The following FAM162A variants were observed in gnomAD, a reference collection of about 807,000 sequenced individuals.
FAM162A encodes protein FAM162A.
A neutral mutation model predicts 21.8 loss-of-function variants in FAM162A; 23 were observed. That is an observed-to-expected ratio of 1.05 (90% CI 0.76 to 1.49). FAM162A has a LOEUF of 1.49. Among genes scored for constraint, FAM162A ranks in the 40% most tolerant of loss-of-function variants. The pLI, the probability that FAM162A is intolerant of heterozygous loss-of-function variation, is 0.00. For synonymous variants in FAM162A, 53 were observed against 61.3 expected (o/e 0.86, Z 0.64); for missense variants, 165 against 186.4 (o/e 0.89, Z 0.67).
chr3:122,402,667 T>C, intron 1 of FAM162A, 93 bp from the exon 2 acceptor site: 3 of 1,206,184 alleles, frequency 2.5e-6, no homozygotes, highest in Non-Finnish European at 3.3e-6. Flanking sequence ...CTACCTTTTA[T>C]AAATGAAACG....
chr3:122,389,709 G>A (rs2075592191), intron 1 of FAM162A, among the ~76,000 whole-genome samples: 1 of 152,132 alleles, frequency 6.6e-6, no homozygotes, highest in Non-Finnish European at 1.5e-5. Flanking sequence ...AGTATTATCT[G>A]ATTATGAAAA....
At chr3:122,396,931 T>TGAAAGTAAATTA (rs56360813) in intron 1 of FAM162A, among the ~76,000 whole-genome samples, 90,832 of 151,900 alleles carry the variant, frequency 0.6, 27,365 homozygotes, top group East Asian at 0.69. Flanking sequence ...CCATAGAGAC[T>TGAAAGTAAATTA]GTGACTTTTA....
chr3:122,391,826 A>G (rs1284811191), intron 1 of FAM162A, among the ~76,000 whole-genome samples: 1 of 152,240 alleles, frequency 6.6e-6, no homozygotes, highest in Non-Finnish European at 1.5e-5. Flanking sequence ...TTCAAGAGTG[A>G]CATTCTCACA....
rs557391652 is a variant in FAM162A at position 122,397,148 on chromosome 3, AC to A, written c.35-5611del. Among the ~76,000 whole-genome samples, 174 of 152,294 alleles carry A rather than the reference AC, an allele frequency of 1.1e-3. 1 individual carries two copies. The highest frequency in any genetic ancestry group is 3.9e-3 in the African/African-American group (164 of 41,572). On this transcript the variant is annotated intron_variant, in intron 1 of 4. Coordinates refer to ENST00000477892, the MANE Select transcript of FAM162A (RefSeq NM_014367.4). Reference sequence around the variant, plus strand: ...ATTTTAAAAATCTTAACAACCATGAACATATTTTCATGAGAAATCCACAGTA... The same window carrying A: ...ATTTTAAAAATCTTAACAACCATGAAATATTTTCATGAGAAATCCACAGTA...
At chr3:122,388,508 C>T (rs1365336689) in intron 1 of FAM162A, among the ~76,000 whole-genome samples, 1 of 152,126 alleles carries the variant, frequency 6.6e-6, no homozygotes, top group Non-Finnish European at 1.5e-5. Flanking sequence ...TGGAGGAGTC[C>T]TTCCAGAGAG....
rs527482276 is a variant in FAM162A, at chr3:122,385,444, C to T, written c.34+1145C>T. Among the ~76,000 whole-genome samples the T allele has an allele frequency of 1.6e-4, 25 of 152,268 alleles. No homozygotes were observed. The East Asian group carries it at 2.3e-3, about 14-fold the overall frequency. ...TCACCTAAAATATCTTCTGTACATC[C>T]TATTAACATTATGAAGCTTTTCAAC... On this transcript the variant is annotated intron_variant, in intron 1 of 4. Coordinates refer to ENST00000477892, the MANE Select transcript of FAM162A (RefSeq NM_014367.4).
Position 122,410,024 on chromosome 3 carries a change from C to A in FAM162A, c.*193C>A. ...ATGACTGTGTTTTATTGTTTTGATC[C>A]AAGTCAAGTGTAGCCTCTCAGCCTT... is the stretch of plus-strand genomic sequence containing the variant. On this transcript the variant is annotated 3_prime_UTR_variant, in exon 5 of 5. Transcript: ENST00000477892. 1 of 626,990 alleles carries A rather than the reference C, an allele frequency of 1.6e-6. No homozygotes were observed. 38.8% of individuals were successfully genotyped at this position (626,990 alleles called of 1,614,324 possible).
At chr3:122,387,410 T>C (rs2075579848) in intron 1 of FAM162A, among the ~76,000 whole-genome samples, 1 of 152,140 alleles carries the variant, frequency 6.6e-6, no homozygotes, top group Admixed American at 6.5e-5. Context: ...CTCAGAGCAT[T>C]AGAGTAGAGA....
At chr3:122,400,981 AAT>A (rs1203153794) in intron 1 of FAM162A, among the ~76,000 whole-genome samples, 1 of 152,170 alleles carries the variant, frequency 6.6e-6, no homozygotes, top group Non-Finnish European at 1.5e-5. Context: ...TAATATCTTA[AAT>A]ATGTTTTGTT....
intron 1 of FAM162A, chr3:122,401,405 C>T (rs2075653035): frequency 9.3e-7 from 1 of 1,077,092 alleles, no homozygotes; most frequent in Non-Finnish European, 1.1e-6. Context: ...GTTAATGGAA[C>T]ATAAGTGAGA....
At position 122,406,925 on chromosome 3, in the gene FAM162A, A is replaced by G. The variant is rs1339059615; in HGVS notation, c.264-356A>G. On this transcript the variant is annotated intron_variant, in intron 3 of 4. Coordinates refer to ENST00000477892, the MANE Select transcript of FAM162A (RefSeq NM_014367.4). ...AATGACTGTTTCACTTCTAGCATTT[A>G]TAGGCTGCTTGGAAACCTGAGAGCC... Among the ~76,000 whole-genome samples, 3 of 152,176 alleles carry G rather than the reference A, an allele frequency of 2.0e-5. No homozygotes were observed. In the East Asian group the frequency reaches 5.8e-4, roughly 29 times the overall value.
At chr3:122,403,852 C>A (rs563900812) in intron 2 of FAM162A, among the ~76,000 whole-genome samples, 46 of 152,280 alleles carry the variant, frequency 3.0e-4, no homozygotes, top group African/African-American at 9.6e-4. Context: ...ACTTTTTGCC[C>A]ACTCTACCGT....
intron 1 of FAM162A, among the ~76,000 whole-genome samples, chr3:122,401,978 TA>T (rs2075655534): frequency 6.6e-6 from 1 of 152,158 alleles, no homozygotes; most frequent in Admixed American, 6.5e-5. Context: ...CAGTAAAAGT[TA>T]AATTTATTAG....
chr3:122,409,078 T>G (rs1042833636), intron 4 of FAM162A, among the ~76,000 whole-genome samples: 2 of 129,042 alleles, frequency 1.5e-5, no homozygotes, highest in Non-Finnish European at 3.1e-5. Flanking sequence ...TAGAAGGAAA[T>G]ATCAGCTTAG....
At position 122,407,261 on chromosome 3, in the gene FAM162A, T is replaced by C. The variant is rs2075680535; in HGVS notation, c.264-20T>C. ...GGGAAAAGTTAATAACTTTCTCTCA[T>C]GATCTCATTGTATTACTAGGTTGGA... is the stretch of plus-strand genomic sequence containing the variant. On this transcript the variant is annotated intron_variant, in intron 3 of 4. Transcript: ENST00000477892. 2 of 1,604,072 alleles carry C rather than the reference T, an allele frequency of 1.2e-6. No individual in the cohort carries two copies. Among genetic ancestry groups the C allele is most frequent in the Non-Finnish European group, 1.7e-6 (2 of 1,171,704 alleles).
chr3:122,397,467 A>G lies in FAM162A; in HGVS notation c.35-5293A>G, dbSNP rs557013963. 6.6e-5 allele frequency among the ~76,000 whole-genome samples: 10 copies of G among 152,272 alleles called. No homozygotes were observed. In the East Asian group the frequency reaches 1.9e-3, roughly 29 times the overall value. On this transcript the variant is annotated intron_variant, in intron 1 of 4. Transcript: ENST00000477892. ...ATTCAATACAAGTCTTGGACATTCC[A>G]TTTCTGTCATCTAGAGCATCATATA...
At chr3:122,396,462 C>G (rs1373206075) in intron 1 of FAM162A, among the ~76,000 whole-genome samples, 1 of 152,168 alleles carries the variant, frequency 6.6e-6, no homozygotes, top group African/African-American at 2.4e-5. Context: ...CACTTCCTAC[C>G]TACTGGGACA....
chr3:122,386,842 A>G (rs1047869239), intron 1 of FAM162A, among the ~76,000 whole-genome samples: 2 of 152,202 alleles, frequency 1.3e-5, no homozygotes, highest in Admixed American at 1.3e-4. Context: ...ACACCTCCAC[A>G]TTTGAGAGGT....
At chr3:122,401,482 C>A (rs1417206209) in intron 1 of FAM162A, 1 of 1,248,182 alleles carries the variant, frequency 8.0e-7, no homozygotes, top group Non-Finnish European at 1.0e-6. Flanking sequence ...AGGGGGCTAT[C>A]TCTTCGCAAA....
Sources: gnomAD v4.1 joint callset for allele counts (sites outside exome capture counted in the v4.1 genomes callset) on GRCh38, gnomAD v4.1.1 for gene constraint, MANE v1.5 for transcripts, NCBI Gene and HGNC (gene_info 2026-07-23, HGNC 2026-07-21) for gene names.